The following CAMTA1 variants were observed in gnomAD, a reference collection of about 807,000 sequenced individuals.
CAMTA1 encodes the protein calmodulin binding transcription activator 1, also known as calmodulin-binding transcription activator 1.
A neutral mutation model predicts 170.9 loss-of-function variants in CAMTA1; 27 were observed. The ratio of observed to expected loss-of-function variants is 0.16; its 90% CI spans 0.12 to 0.22. CAMTA1 has a LOEUF of 0.22. Among genes scored for constraint, CAMTA1 ranks in the 10% least tolerant of loss-of-function variants. CAMTA1 has a pLI of 1.00. For missense variants in CAMTA1, 1,619 were observed against 2,217.2 expected (o/e 0.73, Z 5.42); for synonymous variants, 833 against 891.5 (o/e 0.93, Z 1.17).
chr1:7,568,587 C>T (rs2095078005), intron 6 of CAMTA1, among the ~76,000 whole-genome samples: 1 of 151,368 alleles, frequency 6.6e-6, no homozygotes, highest in Non-Finnish European at 1.5e-5. Flanking sequence ...TCATCAACAT[C>T]ACCATCATCA....
rs80031071 is a variant in CAMTA1 at position 7,251,263 on chromosome 1, G to A, written c.438+1637G>A. Among the ~76,000 whole-genome samples, 575 of 152,268 alleles carry A rather than the reference G, an allele frequency of 3.8e-3. 5 individuals carry two copies. Among genetic ancestry groups the A allele is most frequent in the African/African-American group, 0.013 (543 of 41,556 alleles). On this transcript the variant is annotated intron_variant, in intron 5 of 22. Coordinates refer to ENST00000303635, the MANE Select transcript of CAMTA1 (RefSeq NM_015215.4). This position sits in a 1 kb window ranked among gnomAD's most constrained non-coding sequence, Gnocchi z 5.1. ...GGGGAGAAAACAACCCACAGTGTTC[G>A]TTTTCTTTCCTCATGTTATAAATTA...
intron 7 of CAMTA1, among the ~76,000 whole-genome samples, chr1:7,653,127 G>A (rs141021850): frequency 1.8e-4 from 27 of 152,246 alleles, no homozygotes; most frequent in African/African-American, 4.6e-4. Flanking sequence ...GAGAATGTGC[G>A]TTTCTAACAA....
intron 3 of CAMTA1, among the ~76,000 whole-genome samples, chr1:7,083,589 C>T (rs1052316769): frequency 3.9e-5 from 6 of 152,270 alleles, no homozygotes; most frequent in East Asian, 1.9e-4. Flanking sequence ...GAGGGCCCGT[C>T]GGCTTCATGC....
intron 5 of CAMTA1, among the ~76,000 whole-genome samples, chr1:7,324,905 G>T (rs1183769145): frequency 2.0e-5 from 3 of 151,896 alleles, no homozygotes; most frequent in Non-Finnish European, 4.4e-5. Context: ...ACCTTAACAG[G>T]GCCTAAGGTT....
intron 4 of CAMTA1, among the ~76,000 whole-genome samples, chr1:7,127,821 C>T (rs1368516503): frequency 6.6e-6 from 1 of 152,218 alleles, no homozygotes; most frequent in East Asian, 1.9e-4. Context: ...GTTGGTTGTC[C>T]TCAGAAAGCC....
At chr1:7,119,621 G>T (rs1452576773) in intron 4 of CAMTA1, among the ~76,000 whole-genome samples, 4 of 152,188 alleles carry the variant, frequency 2.6e-5, no homozygotes, top group African/African-American at 9.7e-5. Context: ...TAATTGGTGG[G>T]TAGAGTGGGC....
chr1:7,386,811 C>A, intron 5 of CAMTA1, among the ~76,000 whole-genome samples: 1 of 152,312 alleles, frequency 6.6e-6, no homozygotes, highest in East Asian at 1.9e-4. Context: ...TGGCTCCTTC[C>A]TCCCCTCCTA....
intron 3 of CAMTA1, among the ~76,000 whole-genome samples, chr1:6,884,516 C>G (rs559511580): frequency 6.6e-6 from 1 of 152,130 alleles, no homozygotes. Context: ...CTCATGAAAG[C>G]CTCCAAGGAG....
intron 4 of CAMTA1, among the ~76,000 whole-genome samples, chr1:7,109,934 A>G (rs1218768089): frequency 1.3e-5 from 2 of 152,140 alleles, no homozygotes; most frequent in Non-Finnish European, 2.9e-5. Context: ...GCTTAGCCCC[A>G]CATCTTCTGT....
At chr1:7,134,446 A>C (rs1222218060) in intron 4 of CAMTA1, among the ~76,000 whole-genome samples, 1 of 152,034 alleles carries the variant, frequency 6.6e-6, no homozygotes, top group East Asian at 1.9e-4. Flanking sequence ...GGCCTGTGCC[A>C]CCATTCCTGG....
intron 4 of CAMTA1, among the ~76,000 whole-genome samples, chr1:7,109,548 G>A (rs1643888457): frequency 6.6e-6 from 1 of 152,170 alleles, no homozygotes; most frequent in African/African-American, 2.4e-5. Context: ...TCTGTGAGCT[G>A]GGTGCACCCT....
chr1:7,033,748 C>T (rs1438293733), intron 3 of CAMTA1, among the ~76,000 whole-genome samples: 1 of 151,840 alleles, frequency 6.6e-6, no homozygotes, highest in East Asian at 1.9e-4. Flanking sequence ...TGTATGCCAC[C>T]ATGTCTGGCT....
chr1:7,150,809 C>G (rs1362202838), intron 4 of CAMTA1, among the ~76,000 whole-genome samples: 2 of 152,198 alleles, frequency 1.3e-5, no homozygotes, highest in Non-Finnish European at 2.9e-5. Flanking sequence ...GGCTCCTGGT[C>G]AGACATAAAA....
At chr1:6,847,707 CTT>C (rs550554663) in intron 3 of CAMTA1, among the ~76,000 whole-genome samples, 6 of 138,012 alleles carry the variant, frequency 4.3e-5, no homozygotes, top group Admixed American at 7.2e-5. Context: ...CCCCAGCTAA[CTT>C]TTTTTTTTTT....
At chr1:7,331,235 C>T (rs1458083795) in intron 5 of CAMTA1, among the ~76,000 whole-genome samples, 1 of 152,026 alleles carries the variant, frequency 6.6e-6, no homozygotes, top group Non-Finnish European at 1.5e-5. Flanking sequence ...CGAGACTCCA[C>T]CAAAAAACAA....
chr1:7,213,318 G>A (rs989027451), intron 4 of CAMTA1, among the ~76,000 whole-genome samples: 1 of 152,180 alleles, frequency 6.6e-6, no homozygotes, highest in Non-Finnish European at 1.5e-5. Flanking sequence ...GGTGTGTAAT[G>A]TTATCTAATC....
chr1:6,899,549 C>CGT (rs1446307309), intron 3 of CAMTA1, among the ~76,000 whole-genome samples: 21 of 96,522 alleles, frequency 2.2e-4, no homozygotes, highest in African/African-American at 6.4e-4. Flanking sequence ...CGCGCACGCG[C>CGT]GCGCGCACAC....
intron 5 of CAMTA1, among the ~76,000 whole-genome samples, chr1:7,451,956 C>T (rs1233492765): frequency 6.6e-6 from 1 of 152,192 alleles, no homozygotes; most frequent in South Asian, 2.1e-4. Context: ...CAGGTGGGCC[C>T]CTTAGAAGCT....
At chr1:7,080,283 C>T (rs1639840958) in intron 3 of CAMTA1, among the ~76,000 whole-genome samples, 1 of 151,994 alleles carries the variant, frequency 6.6e-6, no homozygotes. Flanking sequence ...TTTAATCTCT[C>T]AAAATAGGTG....
Sources: allele counts gnomAD v4.1 joint callset (sites outside exome capture counted in the v4.1 genomes callset), GRCh38; gene constraint gnomAD v4.1.1; non-coding constraint Gnocchi (gnomAD v3.1); transcripts MANE v1.5; gene names NCBI Gene and HGNC (gene_info 2026-07-23, HGNC 2026-07-21).